MAPRE1: variants seen among roughly 807,000 people sequenced by gnomAD.
MAPRE1 encodes the protein microtubule-associated protein RP/EB family member 1.
In MAPRE1, 5 loss-of-function variants were observed where a neutral mutation model predicts 32.1. The observed-to-expected ratio is 0.16, with a 90% confidence interval of 0.08 to 0.33. The LOEUF (loss-of-function observed/expected upper bound fraction) is 0.33, where lower values mean the gene tolerates loss of function less well. MAPRE1 is among the 10% of genes least tolerant of loss of function. MAPRE1 has a pLI of 1.00. For missense variants in MAPRE1, 209 were observed against 327.2 expected (o/e 0.64, Z 2.79); for synonymous variants, 122 against 118.9 (o/e 1.03, Z -0.17).
chr20:32,826,249 C>T (rs1982844793), intron 2 of MAPRE1, among the ~76,000 whole-genome samples: 1 of 136,440 alleles, frequency 7.3e-6, no homozygotes, highest in Non-Finnish European at 1.5e-5. Flanking sequence ...CAGAGTCTCG[C>T]TCTGTTGCCC....
At chr20:32,830,568 C>A (rs1460900881) in intron 2 of MAPRE1, among the ~76,000 whole-genome samples, 1 of 152,136 alleles carries the variant, frequency 6.6e-6, no homozygotes, top group African/African-American at 2.4e-5. Context: ...CTAGATCCAG[C>A]CCCTTCTCAG....
chr20:32,828,082 G>A (rs1054982770), intron 2 of MAPRE1, among the ~76,000 whole-genome samples: 2 of 152,026 alleles, frequency 1.3e-5, no homozygotes, highest in African/African-American at 2.4e-5. Flanking sequence ...TGGAGGCTAC[G>A]TGTGAAGCTG....
chr20:32,835,855 C>G (rs1448979428), intron 3 of MAPRE1, among the ~76,000 whole-genome samples: 1 of 152,098 alleles, frequency 6.6e-6, no homozygotes, highest in African/African-American at 2.4e-5. Flanking sequence ...ATCTACCTGC[C>G]TTGACCTCCC....
At chr20:32,835,326 G>A (rs1341913307) in intron 3 of MAPRE1, among the ~76,000 whole-genome samples, 3 of 133,218 alleles carry the variant, frequency 2.3e-5, no homozygotes, top group Admixed American at 7.2e-5. Context: ...GGGTCCTTAT[G>A]TATATTTGTT....
intron 5 of MAPRE1, among the ~76,000 whole-genome samples, chr20:32,840,859 A>T (rs751627974): frequency 3.5e-4 from 54 of 152,184 alleles, no homozygotes; most frequent in Non-Finnish European, 5.7e-4. Flanking sequence ...TGTGTCGCCC[A>T]GGCTGGAGTG....
intron 5 of MAPRE1, among the ~76,000 whole-genome samples, chr20:32,845,298 C>G (rs1489279422): frequency 6.6e-6 from 1 of 152,178 alleles, no homozygotes; most frequent in Admixed American, 6.5e-5. Flanking sequence ...ACCTTGACCT[C>G]CCAAAGCTTT....
rs747341916 is a variant in MAPRE1 at position 32,834,064 on chromosome 20, C to T, written c.267+202C>T. Among the ~76,000 whole-genome samples, 10 of 152,070 alleles carry T rather than the reference C, an allele frequency of 6.6e-5. 1 individual carries two copies. Among genetic ancestry groups the T allele is most frequent in the Admixed American group, 3.3e-4 (5 of 15,254 alleles). ...TCCCCTTGCTTGTTTCTTTCTTCAT[C>T]GTCTGTGAAGTTAGTAACTGTTTAG... On this transcript the variant is annotated intron_variant, in intron 3 of 6. Coordinates refer to ENST00000375571, the MANE Select transcript of MAPRE1 (RefSeq NM_012325.3).
At chr20:32,833,619 C>G in intron 2 of MAPRE1, 98 bp from the exon 3 acceptor site, 1 of 1,148,236 alleles carries the variant, frequency 8.7e-7, no homozygotes, top group South Asian at 1.6e-5. Context: ...TGTAGGTCTA[C>G]TTCACAATTT....
intron 1 of MAPRE1, among the ~76,000 whole-genome samples, chr20:32,824,450 A>G (rs866588703): frequency 1.3e-5 from 2 of 152,228 alleles, no homozygotes; most frequent in Non-Finnish European, 1.5e-5. Flanking sequence ...TCTTGTCCTC[A>G]CCTGTAAAAT....
In MAPRE1 at chr20:32,848,862, T is replaced by A. The variant is rs1983576090; in HGVS notation, c.*134T>A. ...AAGCAAAAAGTACCTCTTCTTAAAG[T>A]GCACTTTGCAGACGTTTCACTCCTT... is the stretch of plus-strand genomic sequence containing the variant. On this transcript the variant is annotated 3_prime_UTR_variant, in exon 7 of 7. Coordinates refer to ENST00000375571, the MANE Select transcript of MAPRE1 (RefSeq NM_012325.3). 1 of 655,544 alleles carries A rather than the reference T, an allele frequency of 1.5e-6. No homozygotes were observed. Among genetic ancestry groups the A allele is most frequent in the African/African-American group, 1.9e-5 (1 of 53,934 alleles). 40.6% of individuals were successfully genotyped at this position (655,544 alleles called of 1,614,324 possible).
intron 5 of MAPRE1, among the ~76,000 whole-genome samples, chr20:32,841,260 A>G (rs1222067601): frequency 6.6e-6 from 1 of 152,226 alleles, no homozygotes; most frequent in Non-Finnish European, 1.5e-5. Flanking sequence ...TTTGAAGTAC[A>G]GAAGCCTCGG....
chr20:32,843,128 CAG>C (rs1389138742), intron 5 of MAPRE1: 4 of 152,070 alleles, frequency 2.6e-5, no homozygotes, highest in African/African-American at 7.2e-5. Flanking sequence ...TTGGCCTGCA[CAG>C]AGTTTTATTT....
chr20:32,837,186 TA>T (rs1423568807), intron 4 of MAPRE1, among the ~76,000 whole-genome samples: 3 of 152,234 alleles, frequency 2.0e-5, no homozygotes, highest in Non-Finnish European at 2.9e-5. Context: ...AAGAGAGCAT[TA>T]GTTTGTTCCA....
At chr20:32,822,451 C>T (rs539432034) in intron 1 of MAPRE1, among the ~76,000 whole-genome samples, 1 of 152,186 alleles carries the variant, frequency 6.6e-6, no homozygotes, top group African/African-American at 2.4e-5. Context: ...AATTTGAAGA[C>T]TGTTGCAGTG....
intron 2 of MAPRE1, among the ~76,000 whole-genome samples, chr20:32,828,457 C>T (rs2075628941): frequency 6.6e-6 from 1 of 152,220 alleles, no homozygotes; most frequent in Non-Finnish European, 1.5e-5. Flanking sequence ...TGATCGGGCT[C>T]TAGGTTTATC....
chr20:32,841,752 T>G (rs1015846606), intron 5 of MAPRE1, among the ~76,000 whole-genome samples: 1 of 151,990 alleles, frequency 6.6e-6, no homozygotes, highest in African/African-American at 2.4e-5. Flanking sequence ...AGTAGGAGTG[T>G]CTCTGTCAGT....
At chr20:32,844,878 C>A (rs1344661108) in intron 5 of MAPRE1, among the ~76,000 whole-genome samples, 1 of 152,124 alleles carries the variant, frequency 6.6e-6, no homozygotes, top group Non-Finnish European at 1.5e-5. Flanking sequence ...ATCCCCTGCT[C>A]TTTGGGGCTG....
rs58727005 is a variant in MAPRE1, at chr20:32,822,174, T to C, written c.-4+2146T>C. On this transcript the variant is annotated intron_variant, in intron 1 of 6. Coordinates refer to ENST00000375571, the MANE Select transcript of MAPRE1 (RefSeq NM_012325.3). Reference sequence around the variant, plus strand: ...CATTAATGTTTTTTGAGCTGGGGTGTGGTCAGGAGACACACATGGCTTTAC... The same window carrying C: ...CATTAATGTTTTTTGAGCTGGGGTGCGGTCAGGAGACACACATGGCTTTAC... 1.0e-2 allele frequency among the ~76,000 whole-genome samples: 1,519 copies of C among 152,280 alleles called. 20 individuals carry two copies. The highest frequency in any genetic ancestry group is 0.034 in the African/African-American group (1,419 of 41,552).
intron 3 of MAPRE1, 70 bp from the exon 4 acceptor site, chr20:32,836,564 G>C (rs1234796191): frequency 3.6e-6 from 3 of 832,164 alleles, no homozygotes; most frequent in South Asian, 3.2e-5. Context: ...ATAATGAATT[G>C]ATGCATGGAC....
Sources: gnomAD v4.1 joint callset for allele counts (sites outside exome capture counted in the v4.1 genomes callset) on GRCh38, gnomAD v4.1.1 for gene constraint, MANE v1.5 for transcripts, NCBI Gene and HGNC (gene_info 2026-07-23, HGNC 2026-07-21) for gene names.